EXOC6B: variants seen among roughly 807,000 people sequenced by gnomAD.
The protein encoded by EXOC6B is exocyst complex component 6B, also known as SEC15 homolog B.
Under a neutral mutation model 113.5 loss-of-function variants are expected in EXOC6B, and 54 were observed. That is an observed-to-expected ratio of 0.48 (90% CI 0.38 to 0.60). EXOC6B has a LOEUF of 0.60. EXOC6B is among the 20% of genes least tolerant of loss of function. EXOC6B has a pLI of 0.00. For missense variants in EXOC6B, 797 were observed against 977.5 expected, an observed-to-expected ratio of 0.82 and a Z score of 2.46; for synonymous variants, 357 against 339.0, an observed-to-expected ratio of 1.05 and a Z score of -0.58.
At chr2:72,485,169 A>G (rs1226212285) in intron 16 of EXOC6B, among the ~76,000 whole-genome samples, 2 of 152,194 alleles carry the variant, frequency 1.3e-5, no homozygotes, top group Non-Finnish European at 2.9e-5. Context: ...CTGAACCATG[A>G]TGACATTCTA....
In EXOC6B at chr2:72,583,715, T is replaced by A. The variant is rs115772341; in HGVS notation, c.670-8047A>T. Among the ~76,000 whole-genome samples, 900 of 137,022 alleles carry A rather than the reference T, an allele frequency of 6.6e-3. 8 individuals are homozygous for A. Among genetic ancestry groups the A allele is most frequent in the Non-Finnish European group, 9.5e-3 (632 of 66,522 alleles). The allele number at this position is 137,022 out of a possible 152,430, so 89.9% of individuals were successfully genotyped here. Reference sequence around the variant, plus strand: ...AAAGACCCTTAAAGTTCTCTGGTTTTTTTTGTTTTTGTTTTTGTTTTTTTT... The same window carrying A: ...AAAGACCCTTAAAGTTCTCTGGTTTATTTTGTTTTTGTTTTTGTTTTTTTT... On this transcript the variant is annotated intron_variant, in intron 6 of 21. Coordinates refer to ENST00000272427, the MANE Select transcript of EXOC6B (RefSeq NM_015189.3).
chr2:72,737,580 G>A (rs1681044493), intron 2 of EXOC6B, among the ~76,000 whole-genome samples: 1 of 152,150 alleles, frequency 6.6e-6, no homozygotes, highest in East Asian at 1.9e-4. Context: ...CAGGCTGAGT[G>A]CAGTGGCTCA....
chr2:72,209,243 A>AAAGAAAAGAAAAGAAAAGAAAAG (rs1680028944), intron 20 of EXOC6B, among the ~76,000 whole-genome samples: 2 of 110,582 alleles, frequency 1.8e-5, no homozygotes, highest in African/African-American at 7.3e-5. Flanking sequence ...AAAAAAAAAA[A>AAAGAAAAGAAAAGAAAAGAAAAG]AAAAGAAAAG....
intron 18 of EXOC6B, among the ~76,000 whole-genome samples, chr2:72,421,693 C>T (rs537543292): frequency 1.3e-5 from 2 of 152,374 alleles, no homozygotes; most frequent in African/African-American, 2.4e-5. Context: ...CACTCGCTCT[C>T]GGCGCCTCCT....
chr2:72,340,495 C>T (rs1483330630), intron 19 of EXOC6B, among the ~76,000 whole-genome samples: 3 of 152,056 alleles, frequency 2.0e-5, no homozygotes, highest in East Asian at 1.9e-4. Flanking sequence ...GGTGAAAAGA[C>T]AATCTGCAAA....
intron 6 of EXOC6B, among the ~76,000 whole-genome samples, chr2:72,693,263 T>C (rs1573633951): frequency 6.6e-6 from 1 of 150,680 alleles, no homozygotes; most frequent in East Asian, 1.9e-4. Flanking sequence ...AACTAGAATA[T>C]CTCCATATGT....
intron 8 of EXOC6B, among the ~76,000 whole-genome samples, chr2:72,528,727 T>C (rs891026737): frequency 1.3e-5 from 2 of 152,100 alleles, no homozygotes; most frequent in South Asian, 4.1e-4. Context: ...CATTTAGTAG[T>C]TTTCAGCATA....
chr2:72,489,341 A>C (rs968251676), intron 16 of EXOC6B, among the ~76,000 whole-genome samples: 1 of 152,202 alleles, frequency 6.6e-6, no homozygotes, highest in African/African-American at 2.4e-5. Context: ...ATCAGTGCCT[A>C]ATAGAGAGTA....
chr2:72,795,112 A>C lies in EXOC6B; in HGVS notation c.113+30686T>G, dbSNP rs139275399. 2.3e-3 allele frequency among the ~76,000 whole-genome samples: 351 copies of C among 152,314 alleles called. 2 individuals carry two copies. The highest frequency in any genetic ancestry group is 7.3e-3 in the African/African-American group (305 of 41,566). Reference sequence around the variant, plus strand: ...TTCTGAGGTACAGAAAGGTATGAGAATCACTGGGCTAGAAATAGAGATTAC... The same window carrying C: ...TTCTGAGGTACAGAAAGGTATGAGACTCACTGGGCTAGAAATAGAGATTAC... On this transcript the variant is annotated intron_variant, in intron 1 of 21. Transcript: ENST00000272427.
Position 72,198,167 on chromosome 2 carries a change from A to G in EXOC6B, c.2197-13980T>C, listed in dbSNP as rs754214749. ...ATAGGGCCAATATGAAAAGAAACAT[A>G]TTTCAGGTTCAAGCCAGTGTTGTCA... On this transcript the variant is annotated intron_variant, in intron 20 of 21. Transcript: ENST00000272427. Among the ~76,000 whole-genome samples the G allele has an allele frequency of 2.9e-4, 44 of 152,286 alleles. No homozygotes were observed. The Middle Eastern group carries it at 0.017, about 59-fold the overall frequency.
At chr2:72,216,614 G>C (rs1167614880) in intron 20 of EXOC6B, among the ~76,000 whole-genome samples, 1 of 152,140 alleles carries the variant, frequency 6.6e-6, no homozygotes. Context: ...TATGTTTATT[G>C]CAGCACTATT....
chr2:72,310,887 A>C (rs2104790076), intron 20 of EXOC6B, among the ~76,000 whole-genome samples: 1 of 151,652 alleles, frequency 6.6e-6, no homozygotes, highest in East Asian at 1.9e-4. Flanking sequence ...ACACACACAC[A>C]CAGAGCTAGT....
At chr2:72,796,861 G>A (rs915101102) in intron 1 of EXOC6B, among the ~76,000 whole-genome samples, 1 of 152,206 alleles carries the variant, frequency 6.6e-6, no homozygotes, top group Non-Finnish European at 1.5e-5. Context: ...ACCAGAGGCA[G>A]TATCACTCCA....
intron 18 of EXOC6B, among the ~76,000 whole-genome samples, chr2:72,409,559 C>A (rs991469211): frequency 1.1e-4 from 16 of 152,150 alleles, no homozygotes; most frequent in Non-Finnish European, 2.1e-4. Context: ...GAGTTCATGT[C>A]CTTTGTAGGG....
rs1000348870 is a variant in EXOC6B, at chr2:72,525,086, C to A, written c.916-9960G>T. Among the ~76,000 whole-genome samples, 3 of 152,264 alleles carry A rather than the reference C, an allele frequency of 2.0e-5. No individual in the cohort carries two copies. The East Asian group carries it at 5.8e-4, about 29-fold the overall frequency. ...AGCATGAGCCATAGGAGAGCATCCC[C>A]TCCGGGGACCGACAGAGTCTGCAGA... On this transcript the variant is annotated intron_variant, in intron 8 of 21. Coordinates refer to ENST00000272427, the MANE Select transcript of EXOC6B (RefSeq NM_015189.3).
intron 20 of EXOC6B, among the ~76,000 whole-genome samples, chr2:72,198,442 G>C (rs778191706): frequency 3.9e-4 from 60 of 152,306 alleles, no homozygotes; most frequent in Admixed American, 2.0e-4. Flanking sequence ...TGAGAACCAA[G>C]TGTTGGCTAA....
intron 6 of EXOC6B, among the ~76,000 whole-genome samples, chr2:72,599,051 A>G (rs1344571676): frequency 6.6e-6 from 1 of 152,112 alleles, no homozygotes; most frequent in East Asian, 1.9e-4. Flanking sequence ...CATTCTATTA[A>G]ATCAGCATTA....
intron 11 of EXOC6B, among the ~76,000 whole-genome samples, chr2:72,501,385 T>C (rs1330295611): frequency 6.6e-6 from 1 of 152,134 alleles, no homozygotes; most frequent in East Asian, 1.9e-4. Flanking sequence ...CCTTTTACCA[T>C]GACTGTAAGC....
chr2:72,637,663 G>A (rs1460369936), intron 6 of EXOC6B, among the ~76,000 whole-genome samples: 2 of 152,068 alleles, frequency 1.3e-5, no homozygotes, highest in South Asian at 2.1e-4. Context: ...GGTGGCACTC[G>A]CCTTTAGTCC....
Sources: gnomAD v4.1 joint callset for allele counts (sites outside exome capture counted in the v4.1 genomes callset) on GRCh38, gnomAD v4.1.1 for gene constraint, MANE v1.5 for transcripts, NCBI Gene and HGNC (gene_info 2026-07-23, HGNC 2026-07-21) for gene names.